ABCG1: variants seen among roughly 807,000 people sequenced by gnomAD.
ABCG1 encodes ATP binding cassette subfamily G member 1.
ABCG1 carries 29 observed loss-of-function variants against 69.2 expected under a neutral mutation model. The observed-to-expected ratio is 0.42, with a 90% CI of 0.31 to 0.57. ABCG1 has a LOEUF of 0.57. Ranked by LOEUF, ABCG1 falls within the 20% of genes least tolerant of loss-of-function variation. The probability of loss-of-function intolerance (pLI) is 0.15; values close to 1 mark genes in which losing one functional copy is unlikely to be tolerated. For synonymous variants in ABCG1, 370 were observed against 374.8 expected, an observed-to-expected ratio of 0.99 and a Z score of 0.15; for missense variants, 718 against 898.1, an observed-to-expected ratio of 0.80 and a Z score of 2.56.
intron 2 of ABCG1, among the ~76,000 whole-genome samples, chr21:42,241,977 CAA>C (rs35823612): frequency 3.6e-4 from 34 of 94,210 alleles, no homozygotes; most frequent in Middle Eastern, 6.1e-3. Context: ...GACCCTGTCT[CAA>C]AAAAAAAAAA....
At chr21:42,247,345 G>A (rs977105228) in intron 2 of ABCG1, among the ~76,000 whole-genome samples, 1 of 152,224 alleles carries the variant, frequency 6.6e-6, no homozygotes, top group Non-Finnish European at 1.5e-5. Context: ...CTAAGACAGT[G>A]AATAATGCCC....
In ABCG1 at chr21:42,287,908, C is replaced by A; in HGVS notation, c.993C>A (p.Gly331=). Residue 331 remains glycine, a synonymous_variant, in exon 9 of 15, where the codon GGC becomes GGA. Coordinates refer to ENST00000398449, the MANE Select transcript of ABCG1 (RefSeq NM_016818.3). The surrounding 1 kb of genome is among the most constrained non-coding windows in gnomAD (Gnocchi z 6.2). ...PADFVMEVAS[G]EYGDQNSRLV... is the part of the protein sequence containing the mutation. Reference sequence around the variant, plus strand: ...CTGCAGTCATGGAGGTTGCATCCGGCGAGTACGGTGATCAGAACAGTCGGC... The same window carrying A: ...CTGCAGTCATGGAGGTTGCATCCGGAGAGTACGGTGATCAGAACAGTCGGC... 2 of 1,596,260 alleles carry A rather than the reference C, an allele frequency of 1.3e-6. No individual in the cohort carries two copies. The highest frequency in any genetic ancestry group is 1.1e-5 in the South Asian group (1 of 89,064).
chr21:42,295,345 A>T (rs1259944396), intron 14 of ABCG1: 1 of 18,530 alleles, frequency 5.4e-5, no homozygotes, highest in African/African-American at 2.9e-4. Context: ...AAAAAAAAAA[A>T]AAAAAAAAAA....
intron 1 of ABCG1, chr21:42,199,929 G>A (rs953974970): frequency 1.3e-5 from 2 of 152,222 alleles, no homozygotes; most frequent in African/African-American, 4.8e-5. Flanking sequence ...TTAACTAGAT[G>A]TAGATTAAGA....
chr21:42,228,586 A>G (rs2067854456), intron 2 of ABCG1, among the ~76,000 whole-genome samples: 2 of 152,340 alleles, frequency 1.3e-5, no homozygotes, highest in South Asian at 4.1e-4. Flanking sequence ...TGAAAGGGGC[A>G]GGGCTGGGAT....
intron 7 of ABCG1, 90 bp downstream of exon 7, chr21:42,284,773 G>A (rs2068907005): frequency 6.6e-7 from 1 of 1,515,656 alleles, no homozygotes; most frequent in Non-Finnish European, 8.9e-7. Flanking sequence ...ACTGCCTTCT[G>A]TTAGCTCGTG....
chr21:42,248,282 T>C (rs1352142451), intron 2 of ABCG1, among the ~76,000 whole-genome samples: 5 of 152,070 alleles, frequency 3.3e-5, no homozygotes, highest in African/African-American at 9.7e-5. Context: ...CATTAGAGGA[T>C]TGGTGTGAGA....
upstream of ABCG1, among the ~76,000 whole-genome samples, chr21:42,212,504 G>A (rs949043587): frequency 2.9e-4 from 44 of 152,266 alleles, no homozygotes; most frequent in Middle Eastern, 3.4e-3. Flanking sequence ...GAAACGGGAG[G>A]AAAGGCCATT....
At chr21:42,251,394 G>A (rs374259621) in intron 2 of ABCG1, among the ~76,000 whole-genome samples, 9 of 152,324 alleles carry the variant, frequency 5.9e-5, no homozygotes, top group Admixed American at 2.0e-4. Context: ...AGATAACAGA[G>A]GCTCAGCGAG....
At position 42,273,493 on chromosome 21, in the gene ABCG1, A is replaced by G. The variant is rs2068655465; in HGVS notation, c.537+58A>G. ...CCTGCCGCCTGTCCCCAGCGCCCAC[A>G]TTAGACACAGCACTGGCCGAGTGCC... On this transcript the variant is annotated intron_variant, in intron 4 of 14. Transcript: ENST00000398449. This position sits in a 1 kb window ranked among gnomAD's most constrained non-coding sequence, Gnocchi z 5.3. The G allele has an allele frequency of 2.5e-6, 4 of 1,574,476 alleles. No homozygotes were observed. The highest frequency in any genetic ancestry group is 1.7e-6 in the Non-Finnish European group (2 of 1,158,946).
intron 2 of ABCG1, among the ~76,000 whole-genome samples, chr21:42,262,957 G>C (rs1267290081): frequency 6.6e-6 from 1 of 152,234 alleles, no homozygotes; most frequent in East Asian, 1.9e-4. Flanking sequence ...GACTGGGCTG[G>C]CCCTGCCTGT....
intron 2 of ABCG1, among the ~76,000 whole-genome samples, chr21:42,246,359 A>G (rs1036351320): frequency 6.6e-6 from 1 of 152,258 alleles, no homozygotes; most frequent in African/African-American, 2.4e-5. Flanking sequence ...GCAAAACAAT[A>G]AAGCTGTTCT....
chr21:42,231,057 C>G (rs1449234597), intron 2 of ABCG1, among the ~76,000 whole-genome samples: 1 of 152,236 alleles, frequency 6.6e-6, no homozygotes, highest in Non-Finnish European at 1.5e-5. Context: ...TGGCTGTAAA[C>G]TGATGTATTT....
At chr21:42,262,161 C>T (rs576831626) in intron 2 of ABCG1, among the ~76,000 whole-genome samples, 5 of 152,180 alleles carry the variant, frequency 3.3e-5, no homozygotes, top group South Asian at 2.1e-4. Context: ...TTTTCTCACA[C>T]GAAGCCTTAG....
At chr21:42,215,064 A>G (rs692383), upstream of ABCG1, among the ~76,000 whole-genome samples, 69,696 of 152,188 alleles carry the variant, frequency 0.46, 18,935 homozygotes, top group African/African-American at 0.76. Flanking sequence ...GGCAGGCTGC[A>G]TGCAGACCAG....
intron 6 of ABCG1, 104 bp downstream of exon 6, chr21:42,282,523 G>T: frequency 7.2e-7 from 1 of 1,388,452 alleles, no homozygotes; most frequent in Non-Finnish European, 9.6e-7. Context: ...CTCAGAGGGG[G>T]TGAGTTGAGC....
chr21:42,282,826 G>A (rs1047622497), intron 6 of ABCG1, among the ~76,000 whole-genome samples: 84 of 152,240 alleles, frequency 5.5e-4, no homozygotes, highest in African/African-American at 2.0e-3. Context: ...ATGCCTGCAG[G>A]ACAGGATCCT....
chr21:42,219,374 C>A lies in ABCG1; in HGVS notation c.42+70C>A. ...AAGGAGAGCAGGAAACACACAAAGA[C>A]TCGCAAGCTCGACCTGACACCCCTC... On this transcript the variant is annotated intron_variant, in intron 1 of 14. Transcript: ENST00000398449. This position sits in a 1 kb window ranked among gnomAD's most constrained non-coding sequence, Gnocchi z 5.3. 1 of 1,551,640 alleles carries A rather than the reference C, an allele frequency of 6.4e-7. No individual in the cohort carries two copies.
intron 2 of ABCG1, among the ~76,000 whole-genome samples, chr21:42,234,042 G>A (rs997435823): frequency 2.6e-5 from 4 of 151,912 alleles, no homozygotes; most frequent in Non-Finnish European, 5.9e-5. Flanking sequence ...TGTTGTTGTT[G>A]TTTTAATTAA....
Sources: gnomAD v4.1 joint callset for allele counts (sites outside exome capture counted in the v4.1 genomes callset) on GRCh38, gnomAD v4.1.1 for gene constraint, Gnocchi (gnomAD v3.1) non-coding constraint, MANE v1.5 for transcripts, NCBI Gene and HGNC (gene_info 2026-07-23, HGNC 2026-07-21) for gene names.